SPATA16: variants seen among roughly 807,000 people sequenced by gnomAD.
SPATA16 encodes the protein spermatogenesis-associated protein 16.
Under a neutral mutation model 63.3 loss-of-function variants are expected in SPATA16, and 36 were observed. The ratio of observed to expected loss-of-function variants is 0.57; its 90% CI spans 0.44 to 0.75. The LOEUF is 0.75. Among genes scored for constraint, SPATA16 ranks in the 30% least tolerant of loss-of-function variants. The pLI, the probability that SPATA16 is intolerant of heterozygous loss-of-function variation, is 0.00. For synonymous variants in SPATA16, 203 were observed against 216.7 expected (o/e 0.94, Z 0.56); for missense variants, 646 against 679.3 (o/e 0.95, Z 0.54).
intron 2 of SPATA16, among the ~76,000 whole-genome samples, chr3:173,094,121 G>A (rs551245025): frequency 1.3e-5 from 2 of 150,286 alleles, no homozygotes; most frequent in South Asian, 4.2e-4. Flanking sequence ...AGTACCTTCT[G>A]AAAAATAATT....
chr3:172,913,297 T>G (rs1732410990), intron 10 of SPATA16, among the ~76,000 whole-genome samples: 1 of 152,148 alleles, frequency 6.6e-6, no homozygotes, highest in Non-Finnish European at 1.5e-5. Context: ...TCATTATTCC[T>G]CAAGTGAAAA....
At chr3:173,099,871 G>A (rs1363258424) in intron 2 of SPATA16, among the ~76,000 whole-genome samples, 1 of 152,138 alleles carries the variant, frequency 6.6e-6, no homozygotes, top group Admixed American at 6.5e-5. Flanking sequence ...TCTAGCTTCA[G>A]CTAAGCCTCT....
chr3:172,950,247 C>T (rs768887197), intron 6 of SPATA16, among the ~76,000 whole-genome samples: 62 of 152,166 alleles, frequency 4.1e-4, no homozygotes, highest in Admixed American at 2.2e-3. Context: ...AAGTGAACTG[C>T]TGGTTGAGAA....
intron 4 of SPATA16, among the ~76,000 whole-genome samples, chr3:172,992,835 T>G (rs551865587): frequency 6.6e-6 from 1 of 152,138 alleles, no homozygotes; most frequent in African/African-American, 2.4e-5. Context: ...TGAGAGACAA[T>G]GCTGTGCTCT....
intron 6 of SPATA16, among the ~76,000 whole-genome samples, chr3:172,929,576 C>T (rs1222336710): frequency 6.6e-6 from 1 of 151,760 alleles, no homozygotes; most frequent in Admixed American, 6.6e-5. Context: ...CTCTCTCTGA[C>T]ACACACACAC....
intron 2 of SPATA16, among the ~76,000 whole-genome samples, chr3:173,070,604 C>G (rs536432738): frequency 6.6e-6 from 1 of 152,062 alleles, no homozygotes; most frequent in African/African-American, 2.4e-5. Flanking sequence ...AACTGATAAG[C>G]AAATTCAGCA....
At chr3:172,986,675 G>C (rs562912074) in intron 4 of SPATA16, among the ~76,000 whole-genome samples, 1 of 152,224 alleles carries the variant, frequency 6.6e-6, no homozygotes, top group East Asian at 1.9e-4. Context: ...TTTTGAGCAG[G>C]GGGGGGAATG....
intron 2 of SPATA16, among the ~76,000 whole-genome samples, chr3:173,050,372 A>G (rs887560518): frequency 2.0e-5 from 3 of 152,052 alleles, no homozygotes; most frequent in Admixed American, 6.6e-5. Context: ...GGAGATTCAT[A>G]TTGTTCTTAA....
intron 6 of SPATA16, among the ~76,000 whole-genome samples, chr3:172,941,924 T>G (rs575945784): frequency 6.6e-6 from 1 of 152,070 alleles, no homozygotes; most frequent in Non-Finnish European, 1.5e-5. Context: ...CAGTTGATAA[T>G]CATGAAACTA....
chr3:172,993,260 A>G (rs1734621880), intron 4 of SPATA16, among the ~76,000 whole-genome samples: 3 of 152,146 alleles, frequency 2.0e-5, no homozygotes, highest in African/African-American at 4.8e-5. Context: ...TTGCCATTCT[A>G]TTCAATAAGG....
intron 4 of SPATA16, among the ~76,000 whole-genome samples, chr3:173,005,962 T>A (rs896200261): frequency 1.5e-4 from 23 of 152,182 alleles, no homozygotes; most frequent in African/African-American, 5.1e-4. Context: ...TAATTTTAAA[T>A]CCTTAAAAGA....
chr3:172,927,149 C>T (rs190809508), intron 6 of SPATA16, among the ~76,000 whole-genome samples: 1 of 152,126 alleles, frequency 6.6e-6, no homozygotes, highest in African/African-American at 2.4e-5. Context: ...ATATTAAAAG[C>T]CAATAAAAAG....
chr3:172,969,893 ATT>A (rs1233936646), intron 5 of SPATA16, among the ~76,000 whole-genome samples: 1 of 152,178 alleles, frequency 6.6e-6, no homozygotes, highest in Non-Finnish European at 1.5e-5. Context: ...GGAATCCTGC[ATT>A]TTGCCATAAA....
At chr3:173,107,446 T>C (rs578081913) in intron 2 of SPATA16, among the ~76,000 whole-genome samples, 2 of 137,902 alleles carry the variant, frequency 1.5e-5, no homozygotes, top group Admixed American at 1.4e-4. Flanking sequence ...TGAAAATCTC[T>C]CTCTCTCTAT....
intron 10 of SPATA16, among the ~76,000 whole-genome samples, chr3:172,898,903 A>G (rs1732065833): frequency 6.6e-6 from 1 of 151,030 alleles, no homozygotes; most frequent in African/African-American, 2.4e-5. Context: ...ATTTTGATAT[A>G]TTTTCATTTT....
intron 1 of SPATA16, among the ~76,000 whole-genome samples, chr3:173,139,345 A>G (rs1738636770): frequency 6.6e-6 from 1 of 152,198 alleles, no homozygotes; most frequent in Admixed American, 6.5e-5. Flanking sequence ...ATTTTGCTAT[A>G]TTTAAGCTAG....
At chr3:172,940,916 G>T (rs1733133138) in intron 6 of SPATA16, among the ~76,000 whole-genome samples, 1 of 152,132 alleles carries the variant, frequency 6.6e-6, no homozygotes, top group Non-Finnish European at 1.5e-5. Flanking sequence ...CCGGGAGGCG[G>T]AGGTTGCAGT....
chr3:173,011,905 C>T (rs1735082026), intron 4 of SPATA16, among the ~76,000 whole-genome samples: 2 of 152,110 alleles, frequency 1.3e-5, no homozygotes, highest in Admixed American at 6.5e-5. Context: ...CCTCGAACTC[C>T]TGGGCTTAAG....
At chr3:172,913,334 C>T (rs1732411468) in intron 10 of SPATA16, among the ~76,000 whole-genome samples, 1 of 151,852 alleles carries the variant, frequency 6.6e-6, no homozygotes, top group South Asian at 2.1e-4. Context: ...GAGGAGTGGA[C>T]TAAAACACTG....
Sources: gnomAD v4.1 joint callset for allele counts (sites outside exome capture counted in the v4.1 genomes callset) on GRCh38, gnomAD v4.1.1 for gene constraint, MANE v1.5 for transcripts, NCBI Gene and HGNC (gene_info 2026-07-23, HGNC 2026-07-21) for gene names.